The following CDKAL1 variants were observed in gnomAD, a reference collection of about 807,000 sequenced individuals.
CDKAL1 encodes the protein threonylcarbamoyladenosine tRNA methylthiotransferase.
CDKAL1 carries 32 observed loss-of-function variants against 68.2 expected under a neutral mutation model. That is an observed-to-expected ratio of 0.47 (90% CI 0.35 to 0.63). CDKAL1 has a LOEUF of 0.63. Ranked by LOEUF, CDKAL1 falls within the 30% of genes least tolerant of loss-of-function variation. CDKAL1 has a pLI of 0.00. For synonymous variants in CDKAL1, 234 were observed against 244.3 expected (o/e 0.96, Z 0.39); for missense variants, 606 against 696.7 (o/e 0.87, Z 1.47).
chr6:20,863,717 T>G (rs55841329), intron 9 of CDKAL1, among the ~76,000 whole-genome samples: 7,385 of 152,230 alleles, frequency 0.049, 584 homozygotes, highest in African/African-American at 0.16. Flanking sequence ...GACTATATAT[T>G]TTTATGAATA....
At chr6:20,731,587 T>C (rs560278768) in intron 5 of CDKAL1, among the ~76,000 whole-genome samples, 160 of 152,310 alleles carry the variant, frequency 1.1e-3, no homozygotes, top group African/African-American at 3.8e-3. Flanking sequence ...TTACGGCCTT[T>C]AGTACTTTAG....
chr6:20,929,051 C>T (rs989247513), intron 9 of CDKAL1, among the ~76,000 whole-genome samples: 5 of 152,248 alleles, frequency 3.3e-5, no homozygotes, highest in South Asian at 2.1e-4. Flanking sequence ...GTACATTACC[C>T]GCCTCCCTGC....
At chr6:21,229,875 T>C (rs1441183470) in intron 15 of CDKAL1, among the ~76,000 whole-genome samples, 1 of 152,188 alleles carries the variant, frequency 6.6e-6, no homozygotes, top group Non-Finnish European at 1.5e-5. Flanking sequence ...TCCGCTTCCC[T>C]GGACACCAGC....
chr6:21,082,024 A>T (rs1403651168), intron 12 of CDKAL1, among the ~76,000 whole-genome samples: 1 of 144,402 alleles, frequency 6.9e-6, no homozygotes, highest in Non-Finnish European at 1.5e-5. Context: ...ATTCAGGTCA[A>T]TGGAATAGAT....
intron 10 of CDKAL1, among the ~76,000 whole-genome samples, chr6:20,980,102 C>A (rs1766039915): frequency 6.6e-6 from 1 of 151,656 alleles, no homozygotes; most frequent in Admixed American, 6.6e-5. Context: ...TGAAAGTCTT[C>A]TATTGATCAT....
At chr6:21,202,367 AAACAT>A (rs1778725271) in intron 15 of CDKAL1, among the ~76,000 whole-genome samples, 1 of 152,162 alleles carries the variant, frequency 6.6e-6, no homozygotes, top group Non-Finnish European at 1.5e-5. Context: ...AAAACTTGAT[AAACAT>A]AACCATTCAT....
intron 11 of CDKAL1, among the ~76,000 whole-genome samples, chr6:21,044,600 A>G (rs1770118946): frequency 6.6e-6 from 1 of 152,208 alleles, no homozygotes; most frequent in Non-Finnish European, 1.5e-5. Context: ...TGCTAACTTT[A>G]TGTTGACATA....
intron 9 of CDKAL1, among the ~76,000 whole-genome samples, chr6:20,939,237 CT>C (rs2150692212): frequency 6.6e-6 from 1 of 152,280 alleles, no homozygotes; most frequent in African/African-American, 2.4e-5. Flanking sequence ...CTTCTCTCCA[CT>C]TTTTTCTGTC....
intron 4 of CDKAL1, among the ~76,000 whole-genome samples, chr6:20,623,191 A>T (rs1327530823): frequency 6.6e-6 from 1 of 152,108 alleles, no homozygotes; most frequent in East Asian, 1.9e-4. Context: ...CAGAAAGCCC[A>T]TTCATTTTTT....
At chr6:20,811,567 C>G (rs989944482) in intron 8 of CDKAL1, among the ~76,000 whole-genome samples, 8 of 152,010 alleles carry the variant, frequency 5.3e-5, no homozygotes, top group Non-Finnish European at 1.0e-4. Flanking sequence ...TAATGTGTGT[C>G]TTTATCCCCA....
intron 13 of CDKAL1, among the ~76,000 whole-genome samples, chr6:21,136,953 C>G (rs1287532231): frequency 6.6e-6 from 1 of 152,106 alleles, no homozygotes; most frequent in Non-Finnish European, 1.5e-5. Flanking sequence ...AAATTATTGT[C>G]CTCTGCTCTT....
chr6:20,899,139 A>T (rs1218429474), intron 9 of CDKAL1, among the ~76,000 whole-genome samples: 5 of 144,206 alleles, frequency 3.5e-5, no homozygotes, highest in African/African-American at 1.3e-4. Context: ...ATCTCTGCTC[A>T]CTGCAAGCTC....
At chr6:20,920,375 C>G (rs1349001431) in intron 9 of CDKAL1, among the ~76,000 whole-genome samples, 3 of 152,078 alleles carry the variant, frequency 2.0e-5, no homozygotes, top group Non-Finnish European at 2.9e-5. Context: ...AAAGTAACTC[C>G]AAGATGAGAC....
intron 4 of CDKAL1, among the ~76,000 whole-genome samples, chr6:20,597,249 C>A (rs922203072): frequency 2.0e-5 from 3 of 150,892 alleles, no homozygotes; most frequent in Non-Finnish European, 4.4e-5. Flanking sequence ...CTGCCTCAGC[C>A]TCCCGAGTAG....
chr6:20,929,816 C>T (rs1215712508), intron 9 of CDKAL1, among the ~76,000 whole-genome samples: 1 of 152,144 alleles, frequency 6.6e-6, no homozygotes, highest in Admixed American at 6.5e-5. Flanking sequence ...TGAGGGCTGA[C>T]TCAGTCAACA....
At chr6:20,536,972 C>T (rs1763198608) in intron 2 of CDKAL1, among the ~76,000 whole-genome samples, 1 of 152,170 alleles carries the variant, frequency 6.6e-6, no homozygotes, top group Non-Finnish European at 1.5e-5. Context: ...TATTGATGCC[C>T]AGGCTCCATT....
At chr6:20,732,517 C>T (rs1236086526) in intron 5 of CDKAL1, among the ~76,000 whole-genome samples, 1 of 150,848 alleles carries the variant, frequency 6.6e-6, no homozygotes, top group Non-Finnish European at 1.5e-5. Context: ...AAATTCCTGA[C>T]CTCAAGTGAT....
At chr6:21,062,978 G>A (rs1292011023) in intron 11 of CDKAL1, among the ~76,000 whole-genome samples, 2 of 152,084 alleles carry the variant, frequency 1.3e-5, no homozygotes, top group East Asian at 1.9e-4. Flanking sequence ...GCAGTGGCGC[G>A]ATGTCGGCTC....
chr6:20,757,954 A>G (rs1774296062), intron 6 of CDKAL1, among the ~76,000 whole-genome samples: 1 of 152,114 alleles, frequency 6.6e-6, no homozygotes, highest in South Asian at 2.1e-4. Flanking sequence ...CTGTTTAATC[A>G]TAACCCCAGG....
Sources: gnomAD v4.1 joint callset for allele counts (sites outside exome capture counted in the v4.1 genomes callset) on GRCh38, gnomAD v4.1.1 for gene constraint, MANE v1.5 for transcripts, NCBI Gene and HGNC (gene_info 2026-07-23, HGNC 2026-07-21) for gene names.